AGBL4: variants seen among roughly 807,000 people sequenced by gnomAD.
The protein encoded by AGBL4 is cytosolic carboxypeptidase 6.
AGBL4 carries 58 observed loss-of-function variants against 66.4 expected under a neutral mutation model. That is an observed-to-expected ratio of 0.87 (90% CI 0.71 to 1.09). The LOEUF is 1.09. Ranked by LOEUF, AGBL4 falls within the 50% of genes least tolerant of loss-of-function variation. The pLI is 0.00. For synonymous variants in AGBL4, 234 were observed against 222.9 expected (o/e 1.05, Z -0.44); for missense variants, 579 against 631.0 (o/e 0.92, Z 0.88).
rs548830655 is a variant in AGBL4, at chr1:48,609,225, C to T, written c.952-18240G>A. ...CTATGCATGGCTGGAAATAAATTTC[C>T]GAAGCACAAATCTGAGCATGCCACT... is the stretch of plus-strand genomic sequence containing the variant. On this transcript the variant is annotated intron_variant, in intron 9 of 13. Transcript: ENST00000371839. Among the ~76,000 whole-genome samples the T allele has an allele frequency of 1.3e-4, 20 of 152,256 alleles. 1 individual carries two copies. The South Asian group carries it at 1.9e-3, about 14-fold the overall frequency.
chr1:48,698,044 T>A lies in AGBL4; in HGVS notation c.635-34803A>T, dbSNP rs375575861. Among the ~76,000 whole-genome samples the A allele has an allele frequency of 7.9e-5, 12 of 152,332 alleles. No homozygotes were observed. The East Asian group carries it at 9.7e-4, about 12-fold the overall frequency. On this transcript the variant is annotated intron_variant, in intron 6 of 13. Coordinates refer to ENST00000371839, the MANE Select transcript of AGBL4 (RefSeq NM_032785.4). Reference sequence around the variant, plus strand: ...ATGACTCCTAAGGCTGGGCCATGGCTGGACTGAGCCTGGAATAGCCCAGGC... The same window carrying A: ...ATGACTCCTAAGGCTGGGCCATGGCAGGACTGAGCCTGGAATAGCCCAGGC...
rs138993949 is a variant in AGBL4, at chr1:49,213,391, G to A, written c.377+32379C>T. 3.4e-3 allele frequency among the ~76,000 whole-genome samples: 517 copies of A among 152,174 alleles called. 2 individuals carry two copies. The highest frequency in any genetic ancestry group is 0.012 in the African/African-American group (483 of 41,516). On this transcript the variant is annotated intron_variant, in intron 4 of 13. Coordinates refer to ENST00000371839, the MANE Select transcript of AGBL4 (RefSeq NM_032785.4). ...CTCAGTGTTGGAGGTGGGGCCTGGT[G>A]GGAGATGTTTGGGTCATGGCGGCAG...
intron 5 of AGBL4, among the ~76,000 whole-genome samples, chr1:48,916,846 T>A (rs910189233): frequency 6.6e-6 from 1 of 152,184 alleles, no homozygotes; most frequent in African/African-American, 2.4e-5. Context: ...ATTGAATGAG[T>A]GCTATTCTAA....
At chr1:49,810,823 A>T (rs962899610) in intron 2 of AGBL4, among the ~76,000 whole-genome samples, 3 of 152,194 alleles carry the variant, frequency 2.0e-5, no homozygotes, top group Non-Finnish European at 4.4e-5. Flanking sequence ...TCTATGCTTC[A>T]GGAAAATGAC....
rs368408772 is a variant in AGBL4, at chr1:49,278,183, C to T, written c.283-32319G>A. On this transcript the variant is annotated intron_variant, in intron 3 of 13. Transcript: ENST00000371839. ...TAAAGCTGTAGCTCTATATAACAAA[C>T]CATTCTGTGTCCCTCTTTTTTTTTT... Among the ~76,000 whole-genome samples the T allele has an allele frequency of 3.3e-4, 50 of 152,196 alleles. 1 individual carries two copies. In the South Asian group the frequency reaches 9.5e-3, roughly 29 times the overall value.
chr1:48,631,544 C>T (rs1405852308), intron 9 of AGBL4, among the ~76,000 whole-genome samples: 1 of 152,172 alleles, frequency 6.6e-6, no homozygotes, highest in African/African-American at 2.4e-5. Context: ...GCATGTGCCA[C>T]CACACCTGGC....
chr1:49,079,933 C>A (rs948610099), intron 4 of AGBL4, among the ~76,000 whole-genome samples: 23 of 152,228 alleles, frequency 1.5e-4, no homozygotes, highest in African/African-American at 5.5e-4. Flanking sequence ...TTTCCTTTGA[C>A]AAAACCAGTG....
intron 1 of AGBL4, among the ~76,000 whole-genome samples, chr1:49,909,299 T>C (rs1035588619): frequency 5.9e-5 from 9 of 152,140 alleles, no homozygotes; most frequent in African/African-American, 9.7e-5. Context: ...CATATATACA[T>C]AAGTATATTA....
intron 6 of AGBL4, among the ~76,000 whole-genome samples, chr1:48,843,687 C>T (rs1646853998): frequency 6.6e-6 from 1 of 151,114 alleles, no homozygotes; most frequent in Non-Finnish European, 1.5e-5. Context: ...TCATTGACGC[C>T]CAGATTAATA....
intron 3 of AGBL4, among the ~76,000 whole-genome samples, chr1:49,401,159 T>A (rs1423268471): frequency 6.6e-6 from 1 of 152,178 alleles, no homozygotes; most frequent in Non-Finnish European, 1.5e-5. Context: ...TGGGGAGGTC[T>A]GAGGAAACTT....
At position 49,368,828 on chromosome 1, in the gene AGBL4, A is replaced by C. The variant is rs537907475; in HGVS notation, c.283-122964T>G. 2.3e-4 allele frequency among the ~76,000 whole-genome samples: 35 copies of C among 152,288 alleles called. 1 individual carries two copies. Among genetic ancestry groups the C allele is most frequent in the African/African-American group, 7.5e-4 (31 of 41,568 alleles). ...GGTGGCTCATGCCTGTAATCCCAGC[A>C]CTTTAGGAGACTGAGGCAGGTGGAT... On this transcript the variant is annotated intron_variant, in intron 3 of 13. Coordinates refer to ENST00000371839, the MANE Select transcript of AGBL4 (RefSeq NM_032785.4).
rs559664149 is a variant in AGBL4 at position 49,341,936 on chromosome 1, T to C, written c.283-96072A>G. Among the ~76,000 whole-genome samples, 4 of 152,212 alleles carry C rather than the reference T, an allele frequency of 2.6e-5. No individual in the cohort carries two copies. In the East Asian group the frequency reaches 7.8e-4, roughly 30 times the overall value. ...ACCTTTCTGCTCTCCTAATCCTTAC[T>C]TGTTTGGGTCACCTGAATAGACATC... On this transcript the variant is annotated intron_variant, in intron 3 of 13. Transcript: ENST00000371839.
At chr1:49,790,532 G>A (rs1644572564) in intron 2 of AGBL4, among the ~76,000 whole-genome samples, 1 of 152,096 alleles carries the variant, frequency 6.6e-6, no homozygotes, top group South Asian at 2.1e-4. Context: ...AAGGGGATGA[G>A]TGATAATAAA....
chr1:49,975,833 G>A (rs1228740498), intron 1 of AGBL4, among the ~76,000 whole-genome samples: 1 of 152,152 alleles, frequency 6.6e-6, no homozygotes, highest in African/African-American at 2.4e-5. Flanking sequence ...GATAGCTTCT[G>A]TTATTATTAT....
At chr1:49,267,671 C>T (rs1643954444) in intron 3 of AGBL4, among the ~76,000 whole-genome samples, 1 of 151,474 alleles carries the variant, frequency 6.6e-6, no homozygotes, top group African/African-American at 2.4e-5. Flanking sequence ...CGGAGCGAGA[C>T]TCTGTCCCAA....
intron 3 of AGBL4, among the ~76,000 whole-genome samples, chr1:49,649,007 A>G (rs1418319063): frequency 6.6e-6 from 1 of 152,164 alleles, no homozygotes; most frequent in Non-Finnish European, 1.5e-5. Context: ...ATAACTATGC[A>G]TGCATATCAA....
intron 6 of AGBL4, among the ~76,000 whole-genome samples, chr1:48,822,002 G>C (rs1446910430): frequency 2.0e-5 from 3 of 152,076 alleles, no homozygotes; most frequent in Non-Finnish European, 4.4e-5. Context: ...GCAAATTAAA[G>C]CCATAAGGAA....
intron 2 of AGBL4, among the ~76,000 whole-genome samples, chr1:49,732,461 T>C (rs999029723): frequency 2.0e-5 from 3 of 152,170 alleles, no homozygotes; most frequent in Non-Finnish European, 4.4e-5. Flanking sequence ...AATCTATGAG[T>C]GTCTCAGACC....
At chr1:49,707,685 A>G (rs1487159147) in intron 2 of AGBL4, among the ~76,000 whole-genome samples, 2 of 152,032 alleles carry the variant, frequency 1.3e-5, no homozygotes, top group African/African-American at 4.8e-5. Flanking sequence ...TTCCAGTGGC[A>G]GGTACCGGTT....
Sources: gnomAD v4.1 joint callset for allele counts (sites outside exome capture counted in the v4.1 genomes callset) on GRCh38, gnomAD v4.1.1 for gene constraint, MANE v1.5 for transcripts, NCBI Gene and HGNC (gene_info 2026-07-23, HGNC 2026-07-21) for gene names.